The following NRG2 variants were observed in gnomAD, a reference collection of about 807,000 sequenced individuals.
The protein encoded by NRG2 is neuregulin 2.
Under a neutral mutation model 73.9 loss-of-function variants are expected in NRG2, and 27 were observed. That is an observed-to-expected ratio of 0.37 (90% CI 0.27 to 0.50). The LOEUF is 0.50. Among genes scored for constraint, NRG2 ranks in the 20% least tolerant of loss-of-function variants. The pLI is 0.96. For missense variants in NRG2, 1,126 were observed against 1,210.1 expected, an observed-to-expected ratio of 0.93 and a Z score of 1.03; for synonymous variants, 532 against 541.0, an observed-to-expected ratio of 0.98 and a Z score of 0.23.
At position 139,847,674 on chromosome 5, in the gene NRG2, T is replaced by TC; in HGVS notation, c.*242dup. Reference sequence around the variant, plus strand: ...TTTTTTTTGTTGTTTCTTTTTTTTTTCCGAAGCTGTAAATCAGGATGTTAC... The same window carrying TC: ...TTTTTTTTGTTGTTTCTTTTTTTTTTCCCGAAGCTGTAAATCAGGATGTTAC... On this transcript the variant is annotated 3_prime_UTR_variant, in exon 10 of 10. Transcript: ENST00000361474. The TC allele has an allele frequency of 2.9e-6, 1 of 346,714 alleles. No individual in the cohort carries two copies. The highest frequency in any genetic ancestry group is 1.4e-4 in the South Asian group (1 of 7,112). 21.5% of individuals were successfully genotyped at this position (346,714 alleles called of 1,614,324 possible).
rs2127051924 is a variant in NRG2, at chr5:139,865,395, T to G, written c.1189+154A>C. ...CAAAACAAAACAAAACAAAAAGAAC[T>G]AACAAACCAAAATACAAAAAAGAAA... On this transcript the variant is annotated intron_variant, in intron 5 of 9. Coordinates refer to ENST00000361474, the MANE Select transcript of NRG2 (RefSeq NM_004883.3). This position sits in a 1 kb window ranked among gnomAD's most constrained non-coding sequence, Gnocchi z 5.2. Among the ~76,000 whole-genome samples the G allele has an allele frequency of 6.6e-6, 1 of 151,790 alleles. No individual in the cohort carries two copies. Among genetic ancestry groups the G allele is most frequent in the Admixed American group, 6.6e-5 (1 of 15,266 alleles).
intron 1 of NRG2, among the ~76,000 whole-genome samples, chr5:140,017,204 G>A (rs1759856829): frequency 6.6e-6 from 1 of 152,140 alleles, no homozygotes. Context: ...TGGGGAGTGG[G>A]TAAGAAAGAA....
intron 9 of NRG2, among the ~76,000 whole-genome samples, chr5:139,849,269 A>G (rs998607721): frequency 2.0e-5 from 3 of 152,192 alleles, no homozygotes; most frequent in African/African-American, 7.2e-5. Context: ...ACCAGGACTC[A>G]TACTGCCCAA....
At chr5:139,937,332 G>A (rs1223630717) in intron 1 of NRG2, among the ~76,000 whole-genome samples, 1 of 152,068 alleles carries the variant, frequency 6.6e-6, no homozygotes, top group Non-Finnish European at 1.5e-5. Flanking sequence ...TCTGATAAAA[G>A]GCATCTACAA....
At chr5:139,892,434 C>T (rs1430859923) in intron 1 of NRG2, among the ~76,000 whole-genome samples, 1 of 152,148 alleles carries the variant, frequency 6.6e-6, no homozygotes, top group African/African-American at 2.4e-5. Context: ...GCCATTGGAT[C>T]TAGTACCAGG....
chr5:139,892,446 C>T (rs988697733), intron 1 of NRG2, among the ~76,000 whole-genome samples: 2 of 152,028 alleles, frequency 1.3e-5, no homozygotes, highest in East Asian at 3.8e-4. Flanking sequence ...AGTACCAGGC[C>T]CTGGGGTCAT....
intron 2 of NRG2, among the ~76,000 whole-genome samples, chr5:139,882,495 C>A (rs942523525): frequency 6.6e-6 from 1 of 152,202 alleles, no homozygotes; most frequent in African/African-American, 2.4e-5. Context: ...GTCTCCTTGG[C>A]CTGGTGCCGG....
intron 1 of NRG2, among the ~76,000 whole-genome samples, chr5:139,986,665 T>G (rs949793779): frequency 1.3e-5 from 2 of 152,200 alleles, no homozygotes; most frequent in Admixed American, 6.5e-5. Context: ...TAAAACATTC[T>G]GTATGATGGA....
intron 5 of NRG2, among the ~76,000 whole-genome samples, chr5:139,864,136 G>A (rs558546720): frequency 2.0e-5 from 3 of 152,256 alleles, no homozygotes; most frequent in East Asian, 1.9e-4. Context: ...GGAGGTCGGG[G>A]GGCACGCAGG....
chr5:140,042,068 A>G (rs990629575), intron 1 of NRG2, among the ~76,000 whole-genome samples: 3 of 152,048 alleles, frequency 2.0e-5, no homozygotes, highest in Admixed American at 2.0e-4. Context: ...TCCTTCCGCT[A>G]CTGGGCTATG....
chr5:139,885,628 C>T (rs140986468), intron 2 of NRG2, among the ~76,000 whole-genome samples: 14 of 151,964 alleles, frequency 9.2e-5, no homozygotes, highest in African/African-American at 2.7e-4. Context: ...AAAAAAGTCA[C>T]GGGCGTGGGT....
chr5:139,959,888 T>G (rs1213517430), intron 1 of NRG2, among the ~76,000 whole-genome samples: 1 of 152,176 alleles, frequency 6.6e-6, no homozygotes, highest in Non-Finnish European at 1.5e-5. Context: ...CACTACCAAG[T>G]AGCCTGGGAC....
intron 1 of NRG2, among the ~76,000 whole-genome samples, chr5:140,039,147 G>T (rs905581525): frequency 1.3e-5 from 2 of 152,100 alleles, no homozygotes; most frequent in Admixed American, 6.6e-5. Flanking sequence ...AGAAAGAAAT[G>T]ATCTTCATTT....
intron 1 of NRG2, among the ~76,000 whole-genome samples, chr5:140,028,966 C>T (rs1314597265): frequency 6.6e-6 from 1 of 152,150 alleles, no homozygotes. Context: ...GACCCGGCTA[C>T]ACTCCCAGAT....
Position 139,865,178 on chromosome 5 carries a change from CAAAAGAAAG to C in NRG2, c.1189+362_1189+370del, listed in dbSNP as rs757296798. ...CCGGTGTATCCCACAGGACACCTAC[CAAAAGAAAG>C]AAAACCAGAAAGAGAGAGCCAGGAT... On this transcript the variant is annotated intron_variant, in intron 5 of 9. Coordinates refer to ENST00000361474, the MANE Select transcript of NRG2 (RefSeq NM_004883.3). This position sits in a 1 kb window ranked among gnomAD's most constrained non-coding sequence, Gnocchi z 5.2. 6.2e-7 allele frequency: 1 copy of C among 1,613,042 alleles called. No homozygotes were observed. Among genetic ancestry groups the C allele is most frequent in the Non-Finnish European group, 8.5e-7 (1 of 1,179,106 alleles).
At position 139,904,441 on chromosome 5, in the gene NRG2, T is replaced by C. The variant is rs1765097734; in HGVS notation, c.701-16930A>G. 4 of 1,198,864 alleles carry C rather than the reference T, an allele frequency of 3.3e-6. No homozygotes were observed. The Admixed American group carries it at 5.9e-5, about 18-fold the overall frequency. 74.3% of individuals were successfully genotyped at this position (1,198,864 alleles called of 1,614,324 possible). On this transcript the variant is annotated intron_variant, in intron 1 of 9. Coordinates refer to ENST00000361474, the MANE Select transcript of NRG2 (RefSeq NM_004883.3). This position sits in a 1 kb window ranked among gnomAD's most constrained non-coding sequence, Gnocchi z 6.0. ...CGGTGGGACGGCCTCAGCTCTCCGCTGCCGCGCTGCGCCCCCGCCGCCTGC... is the reference window on the plus strand; with the variant it reads ...CGGTGGGACGGCCTCAGCTCTCCGCCGCCGCGCTGCGCCCCCGCCGCCTGC...
At chr5:139,983,227 G>T (rs1269210050) in intron 1 of NRG2, among the ~76,000 whole-genome samples, 1 of 152,200 alleles carries the variant, frequency 6.6e-6, no homozygotes, top group Non-Finnish European at 1.5e-5. Flanking sequence ...CCTATCTGAA[G>T]ATTTGGAGGA....
chr5:139,914,370 C>T (rs967221807), intron 1 of NRG2, among the ~76,000 whole-genome samples: 7 of 152,176 alleles, frequency 4.6e-5, no homozygotes, highest in African/African-American at 1.4e-4. Flanking sequence ...TTTCTCTGTC[C>T]CTACCACCTC....
chr5:139,936,516 C>A (rs1442381224), intron 1 of NRG2, among the ~76,000 whole-genome samples: 1 of 152,062 alleles, frequency 6.6e-6, no homozygotes, highest in Non-Finnish European at 1.5e-5. Context: ...TAGTTAGAAC[C>A]CTTCTCACAG....
Sources: allele counts gnomAD v4.1 joint callset (sites outside exome capture counted in the v4.1 genomes callset), GRCh38; gene constraint gnomAD v4.1.1; non-coding constraint Gnocchi (gnomAD v3.1); transcripts MANE v1.5; gene names NCBI Gene and HGNC (gene_info 2026-07-23, HGNC 2026-07-21).